CUL3: variants seen among roughly 807,000 people sequenced by gnomAD.
The protein encoded by CUL3 is cullin 3, also known as cullin-3.
A neutral mutation model predicts 89.1 loss-of-function variants in CUL3; 19 were observed. The observed-to-expected ratio is 0.21, with a 90% CI of 0.15 to 0.31. CUL3 has a LOEUF of 0.31. Among genes scored for constraint, CUL3 ranks in the 10% least tolerant of loss-of-function variants. CUL3 has a pLI of 1.00. For missense variants in CUL3, 469 were observed against 942.3 expected (o/e 0.50, Z 6.58); for synonymous variants, 351 against 308.4 (o/e 1.14, Z -1.45).
chr2:224,546,712 A>G (rs10197090), intron 2 of CUL3, among the ~76,000 whole-genome samples: 27,530 of 151,918 alleles, frequency 0.18, 2,726 homozygotes, highest in Non-Finnish European at 0.21. Context: ...CTAACAACTT[A>G]AGCAGAATAG....
At chr2:224,497,689 T>C in intron 12 of CUL3, 64 bp downstream of exon 12, 1 of 1,218,106 alleles carries the variant, frequency 8.2e-7, no homozygotes, top group Non-Finnish European at 1.2e-6. Context: ...TCAACATAAA[T>C]CACACATCAG....
At chr2:224,570,195 C>T (rs1235195242) in intron 1 of CUL3, among the ~76,000 whole-genome samples, 1 of 152,034 alleles carries the variant, frequency 6.6e-6, no homozygotes, top group Non-Finnish European at 1.5e-5. Context: ...GATAAGGAGT[C>T]TTATTTGATG....
chr2:224,579,820 A>G (rs1695393230), intron 1 of CUL3, among the ~76,000 whole-genome samples: 1 of 152,254 alleles, frequency 6.6e-6, no homozygotes, highest in African/African-American at 2.4e-5. Flanking sequence ...CAAACTCTGA[A>G]GGCTAGGCCA....
In CUL3 at chr2:224,508,205, G is replaced by A. The variant is rs542584933; in HGVS notation, c.884-1202C>T. ...TTCTAAGAGTAGTTTAGAGCTTAAA[G>A]TTGTATACATTTTTAAAATATTTCA... On this transcript the variant is annotated intron_variant, in intron 6 of 15. Coordinates refer to ENST00000264414, the MANE Select transcript of CUL3 (RefSeq NM_003590.5). Among the ~76,000 whole-genome samples, 43 of 151,570 alleles carry A rather than the reference G, an allele frequency of 2.8e-4. 1 individual carries two copies. Among genetic ancestry groups the A allele is most frequent in the Admixed American group, 3.9e-4 (6 of 15,238 alleles).
At chr2:224,492,057 A>G (rs1692003657) in intron 13 of CUL3, among the ~76,000 whole-genome samples, 1 of 152,202 alleles carries the variant, frequency 6.6e-6, no homozygotes, top group Non-Finnish European at 1.5e-5. Context: ...GCAAGGCAGA[A>G]TGATGAATAA....
chr2:224,585,288 T>C lies in CUL3; in HGVS notation c.-279A>G, dbSNP rs1175181995. On this transcript the variant is annotated 5_prime_UTR_variant, in exon 1 of 16. An upstream open reading frame in the 5' UTR loses its in-frame stop. Transcript: ENST00000264414. ...CCCCTCACGTCCGGCTCGGCTCCCT[T>C]TATCGCGCTCCTCCGCGATGGCGGC... 5.1e-6 allele frequency: 2 copies of C among 395,854 alleles called. No individual in the cohort carries two copies. Among genetic ancestry groups the C allele is most frequent in the Admixed American group, 8.9e-5 (2 of 22,392 alleles). The allele number at this position is 395,854 out of a possible 1,614,324, so 24.5% of individuals were successfully genotyped here.
Position 224,482,088 on chromosome 2 carries a change from C to T in CUL3, c.1843-10G>A, listed in dbSNP as rs374605695. The T allele has an allele frequency of 8.2e-6, 13 of 1,584,942 alleles. No individual in the cohort carries two copies. The highest frequency in any genetic ancestry group is 1.8e-5 in the Admixed American group (1 of 54,452). ...TCTCTTGCTGAATTTCCTGAAATTTCATCAGATTAACATAATTAGACTTTT... is the reference window on the plus strand; with the variant it reads ...TCTCTTGCTGAATTTCCTGAAATTTTATCAGATTAACATAATTAGACTTTT... On this transcript the variant is annotated splice_polypyrimidine_tract_variant and intron_variant, in intron 13 of 15. Coordinates refer to ENST00000264414, the MANE Select transcript of CUL3 (RefSeq NM_003590.5).
chr2:224,574,752 T>C (rs1204524508), intron 1 of CUL3, among the ~76,000 whole-genome samples: 1 of 152,242 alleles, frequency 6.6e-6, no homozygotes, highest in East Asian at 1.9e-4. Flanking sequence ...GATACCACTA[T>C]TAGCATTTTC....
At chr2:224,514,234 A>G (rs1300627355) in intron 4 of CUL3, among the ~76,000 whole-genome samples, 1 of 152,142 alleles carries the variant, frequency 6.6e-6, no homozygotes, top group African/African-American at 2.4e-5. Context: ...ATTTTAGACT[A>G]TGTTCAATAG....
chr2:224,541,695 C>T (rs943520865), intron 2 of CUL3, among the ~76,000 whole-genome samples: 1 of 152,118 alleles, frequency 6.6e-6, no homozygotes, highest in African/African-American at 2.4e-5. Flanking sequence ...AACTGTGGTA[C>T]ATTCATACAA....
chr2:224,518,995 T>A (rs1405443383), intron 3 of CUL3, among the ~76,000 whole-genome samples: 1 of 152,178 alleles, frequency 6.6e-6, no homozygotes, highest in Admixed American at 6.5e-5. Context: ...GAATGCTGTG[T>A]ATAGAGGAAA....
intron 15 of CUL3, among the ~76,000 whole-genome samples, chr2:224,477,901 TA>T (rs1303650289): frequency 6.6e-5 from 10 of 152,252 alleles, no homozygotes; most frequent in African/African-American, 2.4e-4. Context: ...TATTAATTTT[TA>T]GAAGTAAAGG....
chr2:224,519,673 G>A (rs1693190433), intron 3 of CUL3, among the ~76,000 whole-genome samples: 1 of 152,082 alleles, frequency 6.6e-6, no homozygotes, highest in African/African-American at 2.4e-5. Flanking sequence ...TGACATGTAT[G>A]ATTAATTACC....
chr2:224,510,298 T>TG (rs1491569435), intron 6 of CUL3, among the ~76,000 whole-genome samples: 1 of 141,610 alleles, frequency 7.1e-6, no homozygotes, highest in East Asian at 2.1e-4. Flanking sequence ...TAGTTTTTTT[T>TG]GTTTTTTTTT....
chr2:224,486,651 C>T (rs1691736006), intron 13 of CUL3, among the ~76,000 whole-genome samples: 1 of 152,080 alleles, frequency 6.6e-6, no homozygotes, highest in Non-Finnish European at 1.5e-5. Context: ...ACTGGTGTAC[C>T]TGAAAGTGAC....
At chr2:224,506,570 T>TACA (rs1168367200) in intron 7 of CUL3, among the ~76,000 whole-genome samples, 1 of 152,198 alleles carries the variant, frequency 6.6e-6, no homozygotes, top group African/African-American at 2.4e-5. Flanking sequence ...TACTACAGTA[T>TACA]ACAAACACTA....
intron 3 of CUL3, among the ~76,000 whole-genome samples, chr2:224,521,659 T>C (rs1169935299): frequency 2.6e-5 from 4 of 152,276 alleles, no homozygotes; most frequent in South Asian, 4.1e-4. Context: ...CTCTAACTCC[T>C]GACCCGCCTC....
chr2:224,568,290 T>C lies in CUL3; in HGVS notation c.67-10434A>G, dbSNP rs1002088958. ...TTTCGTTTATATGGGAATGTGGTGATAGTCTATAACTACTAGTGACAGTTT... is the reference window on the plus strand; with the variant it reads ...TTTCGTTTATATGGGAATGTGGTGACAGTCTATAACTACTAGTGACAGTTT... On this transcript the variant is annotated intron_variant, in intron 1 of 15. Transcript: ENST00000264414. Among the ~76,000 whole-genome samples, 24 of 152,236 alleles carry C rather than the reference T, an allele frequency of 1.6e-4. 1 individual carries two copies.
intron 1 of CUL3, among the ~76,000 whole-genome samples, 185 bp downstream of exon 1, chr2:224,584,759 G>C (rs1695537951): frequency 6.8e-6 from 1 of 146,474 alleles, no homozygotes; most frequent in Admixed American, 6.8e-5. Context: ...GAACGGCCCG[G>C]GAGGGCGGCC....
Sources: allele counts gnomAD v4.1 joint callset (sites outside exome capture counted in the v4.1 genomes callset), GRCh38; gene constraint gnomAD v4.1.1; transcripts MANE v1.5; gene names NCBI Gene and HGNC (gene_info 2026-07-23, HGNC 2026-07-21).